The following TRPC4AP variants were observed in gnomAD, a reference collection of about 807,000 sequenced individuals.
TRPC4AP encodes transient receptor potential cation channel subfamily C member 4 associated protein.
A neutral mutation model predicts 99.0 loss-of-function variants in TRPC4AP; 45 were observed. The observed-to-expected ratio is 0.45, with a 90% confidence interval of 0.36 to 0.58. The LOEUF is 0.58. Ranked by LOEUF, TRPC4AP falls within the 20% of genes least tolerant of loss-of-function variation. TRPC4AP has a pLI of 0.00. For missense variants in TRPC4AP, 879 were observed against 985.3 expected (o/e 0.89, Z 1.44); for synonymous variants, 408 against 385.8 (o/e 1.06, Z -0.67).
intron 11 of TRPC4AP, 69 bp downstream of exon 11, chr20:35,012,939 A>T: frequency 6.5e-7 from 1 of 1,530,214 alleles, no homozygotes; most frequent in Non-Finnish European, 9.1e-7. Context: ...GTCAGGGACC[A>T]GACAAGGAGA....
At position 35,016,145 on chromosome 20, in the gene TRPC4AP, T is replaced by C. The variant is rs766505933; in HGVS notation, c.1219-6A>G. ...TCTGCAATCATTCTGTGAACCTGAA[T>C]GGGATAGGAAGGAAAAAGTATTAAG... On this transcript the variant is annotated splice_polypyrimidine_tract_variant and splice_region_variant and intron_variant, in intron 9 of 18. Coordinates refer to ENST00000252015, the MANE Select transcript of TRPC4AP (RefSeq NM_015638.3). 2.5e-5 allele frequency: 40 copies of C among 1,614,042 alleles called. No individual in the cohort carries two copies. The highest frequency in any genetic ancestry group is 3.1e-5 in the Non-Finnish European group (37 of 1,180,038).
rs1271046485 is a variant in TRPC4AP at position 35,092,720 on chromosome 20, G to A, written c.62C>T (p.Thr21Ile). Residue 21 changes from threonine to isoleucine, a missense_variant, in exon 1 of 19, where the codon ACA (threonine) becomes ATA (isoleucine). By Grantham distance (89) the Thr-to-Ile change is moderately conservative. Coordinates refer to ENST00000252015, the MANE Select transcript of TRPC4AP (RefSeq NM_015638.3). ...GAGRGRRSAATVAAWGGWGGR... is the reference protein window; with the variant it reads ...GAGRGRRSAAIVAAWGGWGGR... ...GCCCCATCCGCCCCAAGCCGCCACTGTGGCTGCCGACCGTCTCCCTCGGCC... is the reference window on the plus strand; with the variant it reads ...GCCCCATCCGCCCCAAGCCGCCACTATGGCTGCCGACCGTCTCCCTCGGCC... The A allele has an allele frequency of 6.4e-6, 10 of 1,559,046 alleles. No individual in the cohort carries two copies. The highest frequency in any genetic ancestry group is 8.6e-6 in the Non-Finnish European group (10 of 1,163,762).
intron 8 of TRPC4AP, among the ~76,000 whole-genome samples, chr20:35,030,643 G>A (rs967473788): frequency 2.0e-5 from 3 of 152,092 alleles, no homozygotes; most frequent in Admixed American, 6.5e-5. Flanking sequence ...TCTCCTCACC[G>A]ATTCCTAGGG....
chr20:35,031,901 G>GT lies in TRPC4AP; in HGVS notation c.1051+3221dup, dbSNP rs528571328. Among the ~76,000 whole-genome samples, 90 of 151,862 alleles carry GT rather than the reference G, an allele frequency of 5.9e-4. 1 individual carries two copies. In the South Asian group the frequency reaches 0.018, roughly 30 times the overall value. Reference sequence around the variant, plus strand: ...TGATTATTATACTACTTAAAAAAAAGTTTTTTTTGAGACAAAGTCTCACTT... The same window carrying GT: ...TGATTATTATACTACTTAAAAAAAAGTTTTTTTTTGAGACAAAGTCTCACTT... On this transcript the variant is annotated intron_variant, in intron 8 of 18. Coordinates refer to ENST00000252015, the MANE Select transcript of TRPC4AP (RefSeq NM_015638.3).
At chr20:35,062,874 C>T (rs1168797054) in intron 3 of TRPC4AP, among the ~76,000 whole-genome samples, 2 of 152,122 alleles carry the variant, frequency 1.3e-5, no homozygotes, top group African/African-American at 4.8e-5. Context: ...CTCAATAAAG[C>T]TATTATTTAA....
chr20:35,007,514 G>A (rs777081730), intron 14 of TRPC4AP, 36 bp downstream of exon 14: 11 of 1,606,170 alleles, frequency 6.8e-6, no homozygotes, highest in Non-Finnish European at 9.4e-6. Flanking sequence ...GCTGGGGGGA[G>A]ACGGAACCCA....
chr20:35,057,610 A>G, intron 3 of TRPC4AP, 39 bp from the exon 4 acceptor site: 1 of 1,505,854 alleles, frequency 6.6e-7, no homozygotes, highest in Non-Finnish European at 9.2e-7. Context: ...AAATTAATTC[A>G]AAGTATAACT....
At chr20:35,042,244 A>T (rs534206442) in intron 7 of TRPC4AP, among the ~76,000 whole-genome samples, 1 of 152,360 alleles carries the variant, frequency 6.6e-6, no homozygotes, top group Non-Finnish European at 1.5e-5. Context: ...GAGAGAGAAT[A>T]AACTGGGGTT....
Position 35,003,289 on chromosome 20 carries a change from C to A in TRPC4AP, c.2257-6G>T. The A allele has an allele frequency of 6.2e-7, 1 of 1,612,962 alleles. No individual in the cohort carries two copies. Among genetic ancestry groups the A allele is most frequent in the Non-Finnish European group, 8.5e-7 (1 of 1,179,424 alleles). ...GAGAAGCTGATGCAGGAGCTCTGGG[C>A]AAAGAGGGAGGGGCTGGGGGGCGCC... On this transcript the variant is annotated splice_polypyrimidine_tract_variant and splice_region_variant and intron_variant, in intron 18 of 18. Transcript: ENST00000252015.
chr20:35,008,186 G>A (rs1385113769), intron 13 of TRPC4AP, among the ~76,000 whole-genome samples: 1 of 152,166 alleles, frequency 6.6e-6, no homozygotes, highest in East Asian at 1.9e-4. Context: ...CTCACGCCCG[G>A]CCCTGATGGA....
rs779091416 is a variant in TRPC4AP, at chr20:35,069,425, A to C, written c.298-13T>G. 12 of 1,531,914 alleles carry C rather than the reference A, an allele frequency of 7.8e-6. No individual in the cohort carries two copies. The South Asian group carries it at 1.2e-4, about 16-fold the overall frequency. 94.9% of individuals were successfully genotyped at this position (1,531,914 alleles called of 1,614,324 possible). Reference sequence around the variant, plus strand: ...GAGGAGAAATTTCCTAGTTTTTTTAAAAAAAAGTACATACATTGTTTTAGT... The same window carrying C: ...GAGGAGAAATTTCCTAGTTTTTTTACAAAAAAGTACATACATTGTTTTAGT... On this transcript the variant is annotated splice_polypyrimidine_tract_variant and intron_variant, in intron 2 of 18. Transcript: ENST00000252015.
chr20:35,021,797 G>T (rs903292952), intron 8 of TRPC4AP, among the ~76,000 whole-genome samples: 1 of 152,274 alleles, frequency 6.6e-6, no homozygotes, highest in East Asian at 1.9e-4. Flanking sequence ...GCCCAAGAGG[G>T]ATTCTTTTTG....
chr20:35,049,456 G>C (rs2083643990), intron 6 of TRPC4AP, among the ~76,000 whole-genome samples: 1 of 148,898 alleles, frequency 6.7e-6, no homozygotes, highest in African/African-American at 2.5e-5. Flanking sequence ...ATATCCTAAT[G>C]AATGAAGGCT....
intron 5 of TRPC4AP, among the ~76,000 whole-genome samples, chr20:35,054,517 T>C (rs140884978): frequency 6.6e-6 from 1 of 152,362 alleles, no homozygotes; most frequent in East Asian, 1.9e-4. Context: ...CTTTTGTTTC[T>C]ACCAGATTGC....
At position 35,092,787 on chromosome 20, in the gene TRPC4AP, C is replaced by T. The variant is rs903035065; in HGVS notation, c.-6G>A. 30 of 1,527,012 alleles carry T rather than the reference C, an allele frequency of 2.0e-5. No homozygotes were observed. The highest frequency in any genetic ancestry group is 8.6e-5 in the African/African-American group (6 of 69,488). The allele number at this position is 1,527,012 out of a possible 1,614,324, so 94.6% of individuals were successfully genotyped here. Reference sequence around the variant, plus strand: ...GCTACCGGCGCCGCCGCCATGTCTCCTCGTCGGACAAACAGGAAGCAAGCG... The same window carrying T: ...GCTACCGGCGCCGCCGCCATGTCTCTTCGTCGGACAAACAGGAAGCAAGCG... On this transcript the variant is annotated 5_prime_UTR_variant, in exon 1 of 19. Coordinates refer to ENST00000252015, the MANE Select transcript of TRPC4AP (RefSeq NM_015638.3).
At chr20:35,018,975 G>A (rs1028038155) in intron 9 of TRPC4AP, among the ~76,000 whole-genome samples, 15 of 152,192 alleles carry the variant, frequency 9.9e-5, no homozygotes, top group African/African-American at 2.4e-4. Flanking sequence ...TAAAAGAAAC[G>A]ACTGCTATAT....
At chr20:35,014,412 G>A (rs1375685273) in intron 10 of TRPC4AP, among the ~76,000 whole-genome samples, 1 of 146,812 alleles carries the variant, frequency 6.8e-6, no homozygotes, top group Non-Finnish European at 1.5e-5. Context: ...CTGCCTCCTG[G>A]GTTCAAGCAA....
rs1205393983 is a variant in TRPC4AP at position 35,078,040 on chromosome 20, A to T, written c.297+6T>A. 6.2e-7 allele frequency: 1 copy of T among 1,611,184 alleles called. No homozygotes were observed. The highest frequency in any genetic ancestry group is 8.5e-7 in the Non-Finnish European group (1 of 1,178,172). On this transcript the variant is annotated splice_donor_region_variant and intron_variant, in intron 2 of 18. Coordinates refer to ENST00000252015, the MANE Select transcript of TRPC4AP (RefSeq NM_015638.3). ...AATACGCCCCTCCAAGGTCCTTAAG[A>T]GTTACCTTGAGGATGTTTTGACACT...
chr20:35,082,107 A>G (rs1405411534), intron 1 of TRPC4AP, among the ~76,000 whole-genome samples: 2 of 152,246 alleles, frequency 1.3e-5, no homozygotes, highest in Non-Finnish European at 2.9e-5. Flanking sequence ...ATATCTAATA[A>G]AAACTTCAAC....
Sources: gnomAD v4.1 joint callset for allele counts (sites outside exome capture counted in the v4.1 genomes callset) on GRCh38, gnomAD v4.1.1 for gene constraint, MANE v1.5 for transcripts, NCBI Gene and HGNC (gene_info 2026-07-23, HGNC 2026-07-21) for gene names.